Variants in DISC1 observed in about 807,000 individuals in gnomAD.
DISC1 encodes the protein disrupted in schizophrenia 1 protein.
DISC1 carries 57 observed loss-of-function variants against 84.5 expected under a neutral mutation model. The ratio of observed to expected loss-of-function variants is 0.67; its 90% CI spans 0.55 to 0.84. The LOEUF (loss-of-function observed/expected upper bound fraction) is 0.84, where lower values mean the gene tolerates loss of function less well. Ranked by LOEUF, DISC1 falls within the 40% of genes least tolerant of loss-of-function variation. DISC1 has a pLI of 0.00. For missense variants in DISC1, 1,000 were observed against 1,057.8 expected (o/e 0.95, Z 0.76); for synonymous variants, 411 against 415.2 (o/e 0.99, Z 0.12).
intron 1 of DISC1, among the ~76,000 whole-genome samples, chr1:231,648,631 G>A (rs1044933887): frequency 6.6e-6 from 1 of 152,184 alleles, no homozygotes; most frequent in South Asian, 2.1e-4. Flanking sequence ...CAGAAGGAAT[G>A]GTACCAGCTC....
intron 1 of DISC1, among the ~76,000 whole-genome samples, chr1:231,629,005 A>G (rs1202654121): frequency 6.6e-6 from 1 of 152,102 alleles, no homozygotes; most frequent in Non-Finnish European, 1.5e-5. Flanking sequence ...CCAAAGCGCT[A>G]GGATTACAGG....
rs2062419751 is a variant in DISC1 at position 231,669,878 on chromosome 1, C to A, written c.68-23948C>A. 5.3e-5 allele frequency among the ~76,000 whole-genome samples: 8 copies of A among 151,890 alleles called. No individual in the cohort carries two copies. The South Asian group carries it at 1.7e-3, about 32-fold the overall frequency. On this transcript the variant is annotated intron_variant, in intron 1 of 12. Transcript: ENST00000439617. ...CAACAATTCTATTGTGGGGTATATA[C>A]CCAAAGGAATATAAATCTTTCTATT...
chr1:231,924,973 A>T (rs1283193654), intron 9 of DISC1, among the ~76,000 whole-genome samples: 43 of 138,392 alleles, frequency 3.1e-4, no homozygotes, highest in African/African-American at 8.9e-4. Context: ...TTTTTTTTTT[A>T]AATGATTCTT....
At chr1:231,803,714 C>T (rs1198525186) in intron 8 of DISC1, among the ~76,000 whole-genome samples, 4 of 151,934 alleles carry the variant, frequency 2.6e-5, no homozygotes, top group Non-Finnish European at 4.4e-5. Flanking sequence ...TTTGGGAGGC[C>T]GAGGTGGGTG....
At chr1:231,824,803 T>G (rs1200206801) in intron 9 of DISC1, among the ~76,000 whole-genome samples, 3 of 152,166 alleles carry the variant, frequency 2.0e-5, no homozygotes, top group African/African-American at 7.2e-5. Flanking sequence ...CTTCAGCAAC[T>G]CACTGAATTT....
chr1:231,721,578 A>C (rs1026355141), intron 3 of DISC1, among the ~76,000 whole-genome samples: 11 of 152,092 alleles, frequency 7.2e-5, no homozygotes, highest in African/African-American at 2.7e-4. Flanking sequence ...AGCAACAAAA[A>C]CTTGGCAACC....
intron 10 of DISC1, chr1:231,959,501 G>A (rs771803322): frequency 6.1e-6 from 6 of 985,396 alleles, no homozygotes; most frequent in African/African-American, 1.7e-5. Context: ...TGGAATATGC[G>A]CTTTCTTCCC....
intron 3 of DISC1, among the ~76,000 whole-genome samples, chr1:231,714,845 A>T (rs2068466532): frequency 6.6e-6 from 1 of 152,182 alleles, no homozygotes; most frequent in Admixed American, 6.6e-5. Flanking sequence ...TTAAGAAATT[A>T]TGTTGTTACT....
At chr1:231,636,190 A>G (rs1333073555) in intron 1 of DISC1, among the ~76,000 whole-genome samples, 1 of 152,256 alleles carries the variant, frequency 6.6e-6, no homozygotes, top group African/African-American at 2.4e-5. Context: ...AAAGAGATAT[A>G]TAATTCTCCA....
chr1:231,892,698 T>C (rs1261741395), intron 9 of DISC1, among the ~76,000 whole-genome samples: 5 of 151,872 alleles, frequency 3.3e-5, no homozygotes, highest in Admixed American at 2.6e-4. Context: ...AGTCTGCTGA[T>C]ATGGAGTACA....
At chr1:231,944,684 C>G (rs1572236141) in intron 9 of DISC1, among the ~76,000 whole-genome samples, 1 of 152,142 alleles carries the variant, frequency 6.6e-6, no homozygotes, top group African/African-American at 2.4e-5. Flanking sequence ...CGCAGCAAGC[C>G]CCCTGCACCC....
At chr1:231,901,495 A>G (rs1265750472) in intron 9 of DISC1, among the ~76,000 whole-genome samples, 1 of 152,162 alleles carries the variant, frequency 6.6e-6, no homozygotes, top group Non-Finnish European at 1.5e-5. Flanking sequence ...TAATTGGGGT[A>G]TGTCACTAAA....
intron 9 of DISC1, among the ~76,000 whole-genome samples, chr1:231,881,285 C>T (rs1480843546): frequency 1.3e-5 from 2 of 152,118 alleles, no homozygotes; most frequent in Admixed American, 1.3e-4. Flanking sequence ...AGAACAGACA[C>T]GCATTGTTGC....
chr1:231,735,259 G>A (rs1456216523), intron 3 of DISC1, among the ~76,000 whole-genome samples: 7 of 152,112 alleles, frequency 4.6e-5, no homozygotes, highest in South Asian at 4.1e-4. Context: ...AATATTTCCT[G>A]TTTTCCTAAT....
At chr1:231,705,317 T>TAAAAAAAAAAAAAAAAA (rs2066938034) in intron 3 of DISC1, among the ~76,000 whole-genome samples, 1 of 39,828 alleles carries the variant, frequency 2.5e-5, no homozygotes, top group Non-Finnish European at 4.5e-5. Context: ...AAAAAAAAAA[T>TAAAAAAAAAAAAAAAAA]CATTAAAAAA....
chr1:231,648,632 G>A (rs901363299), intron 1 of DISC1, among the ~76,000 whole-genome samples: 1 of 152,184 alleles, frequency 6.6e-6, no homozygotes, highest in African/African-American at 2.4e-5. Flanking sequence ...AGAAGGAATG[G>A]TACCAGCTCC....
intron 11 of DISC1, among the ~76,000 whole-genome samples, chr1:232,014,422 C>T (rs1269247985): frequency 1.3e-5 from 2 of 152,154 alleles, no homozygotes; most frequent in African/African-American, 4.8e-5. Context: ...AAGCAAAGAG[C>T]TAGGACATGA....
intron 10 of DISC1, among the ~76,000 whole-genome samples, chr1:231,979,503 T>C (rs1209653760): frequency 6.6e-6 from 1 of 151,696 alleles, no homozygotes. Context: ...TCAAAGTTAA[T>C]ATTACATGGT....
At chr1:231,838,003 G>A (rs1574180622) in intron 9 of DISC1, among the ~76,000 whole-genome samples, 1 of 152,014 alleles carries the variant, frequency 6.6e-6, no homozygotes, top group East Asian at 1.9e-4. Context: ...CTGTATTCAA[G>A]CCTTTAGAGT....
Sources: allele counts gnomAD v4.1 joint callset (sites outside exome capture counted in the v4.1 genomes callset), GRCh38; gene constraint gnomAD v4.1.1; transcripts MANE v1.5; gene names NCBI Gene and HGNC (gene_info 2026-07-23, HGNC 2026-07-21).